Variants in PPP6R1 observed in about 807,000 individuals in gnomAD.
PPP6R1 encodes the protein serine/threonine-protein phosphatase 6 regulatory subunit 1.
Under a neutral mutation model 104.6 loss-of-function variants are expected in PPP6R1, and 39 were observed. The observed-to-expected ratio is 0.37, with a 90% CI of 0.29 to 0.49. The LOEUF is 0.49. PPP6R1 is among the 20% of genes least tolerant of loss of function. PPP6R1 has a pLI of 0.98. For missense variants in PPP6R1, 1,181 were observed against 1,155.8 expected (o/e 1.02, Z -0.32); for synonymous variants, 549 against 479.0 (o/e 1.15, Z -1.91).
At position 55,230,056 on chromosome 19, in the gene PPP6R1, T is replaced by A. The variant is rs539457165; in HGVS notation, c.*472A>T. On this transcript the variant is annotated 3_prime_UTR_variant, in exon 24 of 24. Coordinates refer to ENST00000412770, the MANE Select transcript of PPP6R1 (RefSeq NM_014931.4). ...CCCACCCACGCTGGGCCGTCCCCCATGGTGGACCTGAGCTAAAAGGCCGGG... is the reference window on the plus strand; with the variant it reads ...CCCACCCACGCTGGGCCGTCCCCCAAGGTGGACCTGAGCTAAAAGGCCGGG... The A allele has an allele frequency of 3.4e-4, 54 of 157,856 alleles. 1 individual carries two copies. The highest frequency in any genetic ancestry group is 2.1e-3 in the East Asian group (11 of 5,306). 9.8% of individuals were successfully genotyped at this position (157,856 alleles called of 1,614,324 possible). A position where few individuals can be genotyped will look rare whatever the true frequency, so the allele number is the denominator to read the frequency against.
intron 1 of PPP6R1, 162 bp from the exon 2 acceptor site, chr19:55,247,271 G>A (rs755690173): frequency 1.6e-5 from 11 of 681,392 alleles, no homozygotes; most frequent in East Asian, 2.7e-5. Context: ...GGGACTGCCC[G>A]CAGGCTCACT....
rs779831969 is a variant in PPP6R1, at chr19:55,236,754, T to C, written c.1877A>G (p.Glu626Gly). The change falls in exon 17 of 24, where the codon GAG (glutamate) becomes GGG (glycine). Residue 626 changes from glutamate (E) to glycine (G), a missense_variant. Physicochemically the swap from Glu to Gly is moderately conservative, Grantham distance 98 (BLOSUM62 -2). This residue lies in a region of PPP6R1 where 1,042 missense variants were observed against 955.6 expected (regional missense o/e 1.09). Transcript: ENST00000412770. ...RIQQFDDDEE[E>G]EDEEEAQGSG... is the part of the protein sequence containing the mutation. ...GCCCTGGGCCTCTTCCTCGTCCTCC[T>C]CTTCCTCATCATCATCAAACTGCTG... 1 of 1,613,982 alleles carries C rather than the reference T, an allele frequency of 6.2e-7. No homozygotes were observed. Among genetic ancestry groups the C allele is most frequent in the South Asian group, 1.1e-5 (1 of 91,084 alleles).
Position 55,230,646 on chromosome 19 carries a change from G to C in PPP6R1, c.2609C>G (p.Ser870Cys). 2 of 1,609,986 alleles carry C rather than the reference G, an allele frequency of 1.2e-6. No individual in the cohort carries two copies. Among genetic ancestry groups the C allele is most frequent in the African/African-American group, 1.3e-5 (1 of 74,988 alleles). The change falls in exon 23 of 24, where the codon TCT becomes TGT. Residue 870 changes from serine to cysteine, a missense_variant. Physicochemically the swap from Ser to Cys is moderately radical, Grantham distance 112. Transcript: ENST00000412770. ...ALTPPPIPNG[S>C]APEGPASPGS... ...TGGGGATGCAGGCCCTTCCGGGGCA[G>C]AGCCATTGGGTATCGGAGGAGGCGT...
At chr19:55,236,886 A>G in intron 16 of PPP6R1, 27 bp downstream of exon 16, 2 of 1,612,500 alleles carry the variant, frequency 1.2e-6, no homozygotes, top group Non-Finnish European at 1.7e-6. Context: ...TCCACCCGCC[A>G]CAACCAGGGG....
Position 55,245,063 on chromosome 19 carries a change from A to T in PPP6R1, c.618+57T>A, listed in dbSNP as rs2087494489. 1 of 1,589,748 alleles carries T rather than the reference A, an allele frequency of 6.3e-7. No homozygotes were observed. The highest frequency in any genetic ancestry group is 1.3e-5 in the African/African-American group (1 of 74,494). On this transcript the variant is annotated intron_variant, in intron 5 of 23. Transcript: ENST00000412770. The surrounding 1 kb of genome is among the most constrained non-coding windows in gnomAD (Gnocchi z 6.4). ...CCAATTCCTCTTTTAAAAGTGGGGA[A>T]GTGGGCATGGGGAAGGAACTCTAAG...
rs1484358106 is a variant in PPP6R1 at position 55,258,652 on chromosome 19, G to C, written c.-224C>G. 6.6e-6 allele frequency: 1 copy of C among 150,612 alleles called. No homozygotes were observed. Among genetic ancestry groups the C allele is most frequent in the Non-Finnish European group, 1.5e-5 (1 of 67,912 alleles). The allele number at this position is 150,612 out of a possible 1,614,324, so 9.3% of individuals were successfully genotyped here. ...GGGTCCTGCAGAGTTGAGGGGGTCA[G>C]CGCCGGGTGGAGTTGCCGACGGGCG... On this transcript the variant is annotated 5_prime_UTR_variant, in exon 1 of 24. Transcript: ENST00000412770.
intron 1 of PPP6R1, among the ~76,000 whole-genome samples, chr19:55,257,723 C>A (rs1266685747): frequency 6.6e-6 from 1 of 152,242 alleles, no homozygotes; most frequent in East Asian, 1.9e-4. Flanking sequence ...TCACGACACG[C>A]AGGAATTGTG....
chr19:55,249,030 C>T (rs1432608762), intron 1 of PPP6R1, among the ~76,000 whole-genome samples: 1 of 152,192 alleles, frequency 6.6e-6, no homozygotes, highest in Non-Finnish European at 1.5e-5. Context: ...CTTGATATAA[C>T]ACTATATGGG....
rs1244112320 is a variant in PPP6R1, at chr19:55,231,397, C to A, written c.2459+13G>T. 3 of 1,581,362 alleles carry A rather than the reference C, an allele frequency of 1.9e-6. No homozygotes were observed. The African/African-American group carries it at 4.0e-5, about 21-fold the overall frequency. ...CTTCTCCCGATACTAGGCAGCCCCA[C>A]CTCGCTGCTCACCTGTCCGAGGAGC... On this transcript the variant is annotated intron_variant, in intron 21 of 23. Transcript: ENST00000412770.
rs1193435963 is a variant in PPP6R1, at chr19:55,247,014, C to G, written c.90G>C (p.Glu30Asp). 6.2e-7 allele frequency: 1 copy of G among 1,613,902 alleles called. No individual in the cohort carries two copies. Among genetic ancestry groups the G allele is most frequent in the East Asian group, 2.2e-5 (1 of 44,886 alleles). ...CCTTGCACTCCTGCAGCACGTCTTCCTCGTCCAGCAGCTCGGGCAGGCTCA... is the reference window on the plus strand; with the variant it reads ...CCTTGCACTCCTGCAGCACGTCTTCGTCGTCCAGCAGCTCGGGCAGGCTCA... ...EDLSLPELLD[E>D]EDVLQECKVV... The change falls in exon 2 of 24, where the codon GAG (glutamate) becomes GAC (aspartate). Residue 30 changes from glutamate to aspartate, a missense_variant. By Grantham distance (45) the Glu-to-Asp change is conservative. This residue lies in a region of PPP6R1 where 139 missense variants were observed against 200.1 expected (regional missense o/e 0.69). Transcript: ENST00000412770.
chr19:55,237,552 T>G (rs931917642), intron 15 of PPP6R1, among the ~76,000 whole-genome samples: 19 of 152,208 alleles, frequency 1.2e-4, no homozygotes, highest in African/African-American at 3.9e-4. Flanking sequence ...TCCCACGTGT[T>G]ACGGACAGTT....
At chr19:55,243,404 C>CAAAAAAAAAAAAAAAAAAAAAAAAA (rs58375899) in intron 5 of PPP6R1, among the ~76,000 whole-genome samples, 2 of 49,142 alleles carry the variant, frequency 4.1e-5, no homozygotes, top group African/African-American at 1.4e-4. Flanking sequence ...GACTCCATCT[C>CAAAAAAAAAAAAAAAAAAAAAAAAA]AAAAAAAAAA....
chr19:55,232,460 T>G, intron 17 of PPP6R1: 1 of 459,454 alleles, frequency 2.2e-6, no homozygotes, highest in South Asian at 4.0e-5. Context: ...TCGCCAGTCA[T>G]CCGTGGAGGG....
Position 55,241,645 on chromosome 19 carries a change from G to GCAGGGCAGGGTCGGT in PPP6R1, c.846-7_846-6insACCGACCCTGCCCTG. On this transcript the variant is annotated splice_region_variant and splice_polypyrimidine_tract_variant and intron_variant, in intron 7 of 23. Coordinates refer to ENST00000412770, the MANE Select transcript of PPP6R1 (RefSeq NM_014931.4). This position sits in a 1 kb window ranked among gnomAD's most constrained non-coding sequence, Gnocchi z 5.4. Reference sequence around the variant, plus strand: ...TCACGGTCACGGACTCGGACCTGCAGCAGGGCAGGGTCGAAGGCGGAGTGA... The same window carrying GCAGGGCAGGGTCGGT: ...TCACGGTCACGGACTCGGACCTGCAGCAGGGCAGGGTCGGTCAGGGCAGGGTCGAAGGCGGAGTGA... 3 of 1,567,754 alleles carry GCAGGGCAGGGTCGGT rather than the reference G, an allele frequency of 1.9e-6. No homozygotes were observed. The highest frequency in any genetic ancestry group is 2.6e-6 in the Non-Finnish European group (3 of 1,157,722).
At chr19:55,256,068 A>G (rs1285806121) in intron 1 of PPP6R1, among the ~76,000 whole-genome samples, 1 of 152,258 alleles carries the variant, frequency 6.6e-6, no homozygotes, top group African/African-American at 2.4e-5. Context: ...GCACTGGGCC[A>G]CACATCCCAC....
chr19:55,248,659 C>A (rs2087529767), intron 1 of PPP6R1, among the ~76,000 whole-genome samples: 1 of 152,232 alleles, frequency 6.6e-6, no homozygotes, highest in Admixed American at 6.5e-5. Context: ...TCGAGCCCTG[C>A]TGACCTGTCA....
chr19:55,230,473 C>G lies in PPP6R1; in HGVS notation c.*55G>C. ...ATCGTGGGACCCGCCCTGCCCCCAC[C>G]CCGGGAGATCCACGGGAGGACGGAA... is the stretch of plus-strand genomic sequence containing the variant. On this transcript the variant is annotated 3_prime_UTR_variant, in exon 24 of 24. Transcript: ENST00000412770. 2 of 1,610,870 alleles carry G rather than the reference C, an allele frequency of 1.2e-6. No homozygotes were observed. Among genetic ancestry groups the G allele is most frequent in the Non-Finnish European group, 1.7e-6 (2 of 1,178,898 alleles).
At chr19:55,234,807 AG>A (rs1238733293) in intron 17 of PPP6R1, among the ~76,000 whole-genome samples, 2 of 152,228 alleles carry the variant, frequency 1.3e-5, no homozygotes, top group Non-Finnish European at 2.9e-5. Flanking sequence ...GGAGCTCACA[AG>A]CAGAGTGTTG....
intron 5 of PPP6R1, among the ~76,000 whole-genome samples, chr19:55,244,312 C>T (rs2087486642): frequency 6.6e-6 from 1 of 152,238 alleles, no homozygotes; most frequent in South Asian, 2.1e-4. Context: ...GACAAACACC[C>T]ACTCTACACT....
Sources: allele counts gnomAD v4.1 joint callset (sites outside exome capture counted in the v4.1 genomes callset), GRCh38; gene constraint gnomAD v4.1.1; regional missense constraint gnomAD v4.1.1; non-coding constraint Gnocchi (gnomAD v3.1); transcripts MANE v1.5; gene names NCBI Gene and HGNC (gene_info 2026-07-23, HGNC 2026-07-21).